Variants in BCR observed in about 807,000 individuals in gnomAD.
BCR encodes the protein breakpoint cluster region protein.
A neutral mutation model predicts 138.6 loss-of-function variants in BCR; 58 were observed. That is an observed-to-expected ratio of 0.42 (90% CI 0.34 to 0.52). The LOEUF (loss-of-function observed/expected upper bound fraction) is 0.52, where lower values mean the gene tolerates loss of function less well. Ranked by LOEUF, BCR falls within the 20% of genes least tolerant of loss-of-function variation. The probability of loss-of-function intolerance (pLI) is 0.06; values close to 1 mark genes in which losing one functional copy is unlikely to be tolerated. For synonymous variants in BCR, 786 were observed against 730.1 expected (o/e 1.08, Z -1.23); for missense variants, 1,599 against 1,727.2 (o/e 0.93, Z 1.32).
In BCR at chr22:23,309,482, G is replaced by C. The variant is rs774060427; in HGVS notation, c.3071G>C (p.Gly1024Ala). ...CAGCGCACCGTCATCGCCATGAATG[G>C]GGTACGTGTCCGTGGGACTCTCCTG... ...DWQRTVIAMN[G>A]IEVKLSVKFN... Residue 1024 changes from glycine (G) to alanine (A), a missense_variant and splice_region_variant, in exon 17 of 23, where the codon GGG (glycine) becomes GCG (alanine). By Grantham distance (60) the Gly-to-Ala change is moderately conservative. This residue lies in a region of BCR where 590 missense variants were observed against 762.4 expected (regional missense o/e 0.77). Transcript: ENST00000305877. The C allele has an allele frequency of 1.3e-6, 2 of 1,597,798 alleles. No individual in the cohort carries two copies. Among genetic ancestry groups the C allele is most frequent in the South Asian group, 2.3e-5 (2 of 88,486 alleles).
At chr22:23,293,561 G>T (rs111460277) in intron 15 of BCR, among the ~76,000 whole-genome samples, 1 of 152,100 alleles carries the variant, frequency 6.6e-6, no homozygotes, top group African/African-American at 2.4e-5. Context: ...GATGAGAGGG[G>T]GTATAAGAGC....
intron 1 of BCR, chr22:23,199,363 C>A (rs777539702): frequency 2.9e-5 from 15 of 512,838 alleles, no homozygotes; most frequent in Non-Finnish European, 4.7e-5. Flanking sequence ...GTGAGCCCCG[C>A]GGTTGCTTAT....
At chr22:23,255,213 G>A (rs970975302) in intron 2 of BCR, among the ~76,000 whole-genome samples, 21 of 152,168 alleles carry the variant, frequency 1.4e-4, no homozygotes, top group African/African-American at 5.1e-4. Flanking sequence ...AGGCCTTGGT[G>A]CTGGGCAGGC....
chr22:23,300,609 C>T (rs138056053), intron 16 of BCR, among the ~76,000 whole-genome samples: 188 of 152,278 alleles, frequency 1.2e-3, no homozygotes, highest in Non-Finnish European at 2.3e-3. Flanking sequence ...GTGGGCAGTC[C>T]AACAGGGAGA....
intron 22 of BCR, 26 bp downstream of exon 22, chr22:23,314,740 T>G: frequency 6.2e-7 from 1 of 1,611,550 alleles, no homozygotes; most frequent in Non-Finnish European, 8.5e-7. Context: ...CTCCAGCCCA[T>G]GCAACCCTGA....
At chr22:23,272,069 T>C (rs1244539328) in intron 6 of BCR, among the ~76,000 whole-genome samples, 2 of 152,152 alleles carry the variant, frequency 1.3e-5, no homozygotes, top group East Asian at 3.8e-4. Flanking sequence ...TAAAGTGCCT[T>C]GGCCTCCCAA....
intron 5 of BCR, 28 bp from the exon 6 acceptor site, chr22:23,271,504 G>T (rs1255026914): frequency 1.9e-6 from 3 of 1,612,572 alleles, no homozygotes; most frequent in Middle Eastern, 1.7e-4. Context: ...TCTGTCATCT[G>T]TGTGAACATG....
intron 1 of BCR, among the ~76,000 whole-genome samples, chr22:23,250,175 C>A (rs995867879): frequency 2.6e-5 from 4 of 152,238 alleles, no homozygotes; most frequent in Non-Finnish European, 4.4e-5. Flanking sequence ...GACCCCGAAT[C>A]TGACCCCGAA....
At position 23,234,152 on chromosome 22, in the gene BCR, T is replaced by C. The variant is rs183614305; in HGVS notation, c.1280-19647T>C. Among the ~76,000 whole-genome samples, 137 of 152,226 alleles carry C rather than the reference T, an allele frequency of 9.0e-4. 1 individual carries two copies. The highest frequency in any genetic ancestry group is 6.4e-3 in the East Asian group (33 of 5,180). On this transcript the variant is annotated intron_variant, in intron 1 of 22. Coordinates refer to ENST00000305877, the MANE Select transcript of BCR (RefSeq NM_004327.4). ...CGGAGACAGCAAACAGAAATTCTAT[T>C]ATGTGTCCTATCAGCTAGTAAAGGA...
chr22:23,211,542 G>A (rs1185243712), intron 1 of BCR, among the ~76,000 whole-genome samples: 1 of 151,472 alleles, frequency 6.6e-6, no homozygotes. Flanking sequence ...CTGGAGTGCA[G>A]TGGTACAATC....
intron 8 of BCR, among the ~76,000 whole-genome samples, chr22:23,280,077 C>G (rs78900528): frequency 0.034 from 5,168 of 152,332 alleles, 131 homozygotes; most frequent in African/African-American, 0.057. Flanking sequence ...CTCATCTACA[C>G]CTACTCACCT....
rs760225629 is a variant in BCR, at chr22:23,260,920, C to A, written c.1462-30C>A. On this transcript the variant is annotated intron_variant, in intron 2 of 22. Coordinates refer to ENST00000305877, the MANE Select transcript of BCR (RefSeq NM_004327.4). ...TGGAAGAATCCCCCTACCACCCTTC[C>A]AGGCTGACTTCTGTCTATTTCTCCT... 8.7e-6 allele frequency: 14 copies of A among 1,603,496 alleles called. No homozygotes were observed. The South Asian group carries it at 1.4e-4, about 16-fold the overall frequency.
At chr22:23,252,159 G>A (rs190345201) in intron 1 of BCR, among the ~76,000 whole-genome samples, 1 of 152,322 alleles carries the variant, frequency 6.6e-6, no homozygotes, top group East Asian at 1.9e-4. Flanking sequence ...GATTTCGACA[G>A]ACCTGCTGGA....
At chr22:23,242,945 A>G (rs1004040) in intron 1 of BCR, 236,516 of 454,072 alleles carry the variant, frequency 0.52, 63,326 homozygotes, top group African/African-American at 0.69. Context: ...CCTGGTGACA[A>G]CATCTCTCCA....
intron 1 of BCR, among the ~76,000 whole-genome samples, chr22:23,230,467 C>T (rs1344673830): frequency 6.6e-6 from 1 of 152,250 alleles, no homozygotes; most frequent in African/African-American, 2.4e-5. Context: ...CCAAGACCCC[C>T]GCCCCAACAG....
At chr22:23,313,125 CT>C in intron 20 of BCR, 104 bp downstream of exon 20, 1 of 1,405,952 alleles carries the variant, frequency 7.1e-7, no homozygotes, top group East Asian at 2.5e-5. Context: ...GCTGTGCCCC[CT>C]CTGCCATGGT....
At chr22:23,271,413 G>T in intron 5 of BCR, 119 bp from the exon 6 acceptor site, 1 of 1,012,134 alleles carries the variant, frequency 9.9e-7, no homozygotes, top group South Asian at 1.4e-5. Context: ...TATCAGCTCA[G>T]AATGCACCTG....
chr22:23,276,260 G>A (rs932392154), intron 8 of BCR, among the ~76,000 whole-genome samples: 1 of 152,102 alleles, frequency 6.6e-6, no homozygotes, highest in African/African-American at 2.4e-5. Flanking sequence ...TTAGCTGGGC[G>A]TGGTGGTGGG....
At chr22:23,286,888 C>T (rs5996513) in intron 10 of BCR, among the ~76,000 whole-genome samples, 7,884 of 152,284 alleles carry the variant, frequency 0.052, 536 homozygotes, top group African/African-American at 0.14. Flanking sequence ...CTTCTCTCCG[C>T]CCTTGTGAGA....
Sources: allele counts gnomAD v4.1 joint callset (sites outside exome capture counted in the v4.1 genomes callset), GRCh38; gene constraint gnomAD v4.1.1; regional missense constraint gnomAD v4.1.1; transcripts MANE v1.5; gene names NCBI Gene and HGNC (gene_info 2026-07-23, HGNC 2026-07-21).